The following SPMIP4 variants were observed in gnomAD, a reference collection of about 807,000 sequenced individuals.
SPMIP4 encodes sperm-associated microtubule inner protein 4.
At chr7:25,165,164 A>G in the SPMIP4 span, among the ~76,000 whole-genome samples, 1 of 152,208 alleles carries the variant, frequency 6.6e-6, no homozygotes, top group African/African-American at 2.4e-5. Context: ...CCTCATGACC[A>G]GGTGTGGGAA....
the SPMIP4 span, among the ~76,000 whole-genome samples, chr7:25,139,149 A>T: frequency 6.6e-6 from 1 of 152,128 alleles, no homozygotes; most frequent in South Asian, 2.1e-4. Context: ...ATTGAACTTT[A>T]TTTCATCTTA....
chr7:25,143,583 CTTTTTTTTTT>C, the SPMIP4 span, among the ~76,000 whole-genome samples: 4 of 110,692 alleles, frequency 3.6e-5, no homozygotes, highest in African/African-American at 6.9e-5. Flanking sequence ...AGTAAAGACA[CTTTTTTTTTT>C]TTTTTTTTTT....
chr7:25,159,315 C>T, the SPMIP4 span, among the ~76,000 whole-genome samples: 1 of 152,172 alleles, frequency 6.6e-6, no homozygotes, highest in East Asian at 1.9e-4. Flanking sequence ...GGGAATAGAA[C>T]AAAACTGACC....
chr7:25,139,676 C>T, the SPMIP4 span, among the ~76,000 whole-genome samples: 1 of 152,236 alleles, frequency 6.6e-6, no homozygotes, highest in African/African-American at 2.4e-5. Context: ...TGAGTAAATA[C>T]TGTGATGAAA....
chr7:25,157,261 G>A, the SPMIP4 span, among the ~76,000 whole-genome samples: 9 of 152,324 alleles, frequency 5.9e-5, no homozygotes, highest in African/African-American at 2.2e-4. Context: ...CAAATGGAGT[G>A]GAATCGATAC....
chr7:25,126,609 T>A, the SPMIP4 span, among the ~76,000 whole-genome samples: 1 of 152,248 alleles, frequency 6.6e-6, no homozygotes. Flanking sequence ...AAACTTTTTC[T>A]TGTTTCTATT....
the SPMIP4 span, chr7:25,135,873 G>A: frequency 7.2e-5 from 106 of 1,462,920 alleles, no homozygotes; most frequent in South Asian, 9.1e-5. Context: ...GGTCCTTGTG[G>A]TTTAATCTAG....
At chr7:25,161,226 G>T in the SPMIP4 span, 3 of 1,562,488 alleles carry the variant, frequency 1.9e-6, no homozygotes, top group Admixed American at 1.8e-5. Flanking sequence ...TTTTTGTTCT[G>T]GGTCAAATAA....
At chr7:25,147,644 T>A in the SPMIP4 span, among the ~76,000 whole-genome samples, 234 of 152,324 alleles carry the variant, frequency 1.5e-3, 2 homozygotes, top group Middle Eastern at 0.02. Context: ...CGGGACTTAA[T>A]TTTTAAAAGG....
the SPMIP4 span, among the ~76,000 whole-genome samples, chr7:25,172,148 C>G: frequency 8.6e-5 from 13 of 152,026 alleles, no homozygotes; most frequent in Admixed American, 8.5e-4. The surrounding 1 kb of genome is among the most constrained non-coding windows in gnomAD (Gnocchi z 4.2). Context: ...TAGAATCTCT[C>G]TTAGGGAAGA....
the SPMIP4 span, among the ~76,000 whole-genome samples, chr7:25,130,801 G>A: frequency 6.6e-6 from 1 of 152,254 alleles, no homozygotes; most frequent in Non-Finnish European, 1.5e-5. Context: ...CCCGTAGTTA[G>A]CTTGGCCTAT....
chr7:25,144,584 T>C, the SPMIP4 span, among the ~76,000 whole-genome samples: 6 of 152,222 alleles, frequency 3.9e-5, no homozygotes, highest in African/African-American at 1.4e-4. Flanking sequence ...GGATTGGGTT[T>C]AAAGCCATTT....
the SPMIP4 span, among the ~76,000 whole-genome samples, chr7:25,168,871 G>A: frequency 2.0e-5 from 3 of 151,512 alleles, no homozygotes; most frequent in African/African-American, 4.9e-5. Context: ...CATTACAGGG[G>A]CGTGCCATCA....
chr7:25,160,999 A>G, the SPMIP4 span, among the ~76,000 whole-genome samples: 2 of 152,158 alleles, frequency 1.3e-5, no homozygotes, highest in Non-Finnish European at 2.9e-5. Flanking sequence ...TTAAACACTA[A>G]AAACTATTGG....
the SPMIP4 span, among the ~76,000 whole-genome samples, chr7:25,175,300 C>A: frequency 6.6e-6 from 1 of 151,960 alleles, no homozygotes; most frequent in African/African-American, 2.4e-5. Flanking sequence ...GCTCTGTTGC[C>A]CAGTCTGGAG....
chr7:25,130,986 G>C, the SPMIP4 span, among the ~76,000 whole-genome samples: 1 of 152,224 alleles, frequency 6.6e-6, no homozygotes, highest in Non-Finnish European at 1.5e-5. Context: ...TCTGTGGCCT[G>C]TTAGGAACAG....
At chr7:25,178,329 G>A in the SPMIP4 span, among the ~76,000 whole-genome samples, 1 of 152,166 alleles carries the variant, frequency 6.6e-6, no homozygotes, top group Admixed American at 6.5e-5. Context: ...CAACTTATAA[G>A]AACAACTTAG....
the SPMIP4 span, chr7:25,142,749 A>G: frequency 1.9e-6 from 3 of 1,599,022 alleles, no homozygotes; most frequent in Non-Finnish European, 2.6e-6. Flanking sequence ...AAGAAGTGTT[A>G]GGAGCGAAGG....
chr7:25,128,080 G>A, the SPMIP4 span, among the ~76,000 whole-genome samples: 1 of 152,240 alleles, frequency 6.6e-6, no homozygotes, highest in Non-Finnish European at 1.5e-5. This position sits in a 1 kb window ranked among gnomAD's most constrained non-coding sequence, Gnocchi z 4.5. Flanking sequence ...GCACTGAGCT[G>A]TCTGGAGCTA....
Sources: gnomAD v4.1 joint callset for allele counts (sites outside exome capture counted in the v4.1 genomes callset) on GRCh38, gnomAD v4.1.1 for gene constraint, Gnocchi (gnomAD v3.1) non-coding constraint, MANE v1.5 for transcripts, NCBI Gene and HGNC (gene_info 2026-07-23, HGNC 2026-07-21) for gene names.